The following CLN6 variants were observed in gnomAD, a reference collection of about 807,000 sequenced individuals.
CLN6 encodes the protein CLN6 transmembrane ER protein, also known as ceroid-lipofuscinosis neuronal protein 6.
CLN6 carries 22 observed loss-of-function variants against 33.3 expected under a neutral mutation model. That is an observed-to-expected ratio of 0.66 (90% CI 0.47 to 0.94). The LOEUF (loss-of-function observed/expected upper bound fraction) is 0.94. Ranked by LOEUF, CLN6 falls within the 40% of genes least tolerant of loss-of-function variation. CLN6 has a pLI of 0.00. For missense variants in CLN6, 387 were observed against 417.1 expected, an observed-to-expected ratio of 0.93 and a Z score of 0.63; for synonymous variants, 201 against 174.6, an observed-to-expected ratio of 1.15 and a Z score of -1.19.
At chr15:68,225,914 G>A (rs1031307135) in intron 1 of CLN6, among the ~76,000 whole-genome samples, 5 of 152,170 alleles carry the variant, frequency 3.3e-5, no homozygotes, top group Admixed American at 6.5e-5. Flanking sequence ...AGGTTGCAGT[G>A]AGCCAAGATG....
intron 1 of CLN6, among the ~76,000 whole-genome samples, chr15:68,235,319 G>A (rs1892208687): frequency 6.6e-6 from 1 of 152,118 alleles, no homozygotes; most frequent in African/African-American, 2.4e-5. Context: ...CTGCCTGAAC[G>A]GAGAGGCCAT....
chr15:68,214,621 A>T, intron 2 of CLN6: 1 of 503,262 alleles, frequency 2.0e-6, no homozygotes, highest in South Asian at 2.0e-5. Context: ...CCCCAGACAC[A>T]GAGCAGATGC....
chr15:68,252,074 A>G (rs1194382252), intron 1 of CLN6, among the ~76,000 whole-genome samples: 1 of 150,208 alleles, frequency 6.7e-6, no homozygotes, highest in Non-Finnish European at 1.5e-5. Flanking sequence ...TCCGGGTTCA[A>G]GCGATTCTCC....
In CLN6 at chr15:68,207,552, C is replaced by T. The variant is rs1033505564; in HGVS notation, c.*588G>A. ...GAGCCACTCATCTGTCCCAAAGCTG[C>T]ACCCAAGGGGTGTCAGCAACCCCAA... On this transcript the variant is annotated 3_prime_UTR_variant, in exon 7 of 7. Transcript: ENST00000249806. The T allele has an allele frequency of 3.4e-5, 6 of 176,056 alleles. No homozygotes were observed. Among genetic ancestry groups the T allele is most frequent in the Non-Finnish European group, 4.9e-5 (4 of 81,112 alleles). The allele number at this position is 176,056 out of a possible 1,614,324, so 10.9% of individuals were successfully genotyped here.
At position 68,211,586 on chromosome 15, in the gene CLN6, T is replaced by C. The variant is rs2093205300; in HGVS notation, c.486+89A>G. ...AGAATGCCTTTGGTGAAAGGACAGG[T>C]GCGGCGAGGGGTGGGGGCCATTTCT... On this transcript the variant is annotated intron_variant, in intron 4 of 6. Transcript: ENST00000249806. This position sits in a 1 kb window ranked among gnomAD's most constrained non-coding sequence, Gnocchi z 5.9. 6.2e-7 allele frequency: 1 copy of C among 1,602,532 alleles called. No homozygotes were observed. Among genetic ancestry groups the C allele is most frequent in the Admixed American group, 1.7e-5 (1 of 60,006 alleles).
At chr15:68,232,592 C>G (rs1020991094), upstream of CLN6, among the ~76,000 whole-genome samples, 3 of 152,238 alleles carry the variant, frequency 2.0e-5, no homozygotes, top group African/African-American at 7.2e-5. The surrounding 1 kb of genome is among the most constrained non-coding windows in gnomAD (Gnocchi z 4.7). Context: ...CTCCTCTCCC[C>G]TTGGCCCCAC....
rs368443679 is a variant in CLN6, at chr15:68,208,404, C to T, written c.672G>A (p.Leu224=). ...VAPSGLYYWY[L]VTEGQIFILF... is the part of the protein sequence containing the mutation. ...GGATGAAGATCTGGCCCTCGGTGACCAGGTACCTGGAAAGGCCAGGGGTGA... is the reference window on the plus strand; with the variant it reads ...GGATGAAGATCTGGCCCTCGGTGACTAGGTACCTGGAAAGGCCAGGGGTGA... The change falls in exon 7 of 7, where the codon CTG becomes CTA. Residue 224 remains leucine (L), a synonymous_variant. Coordinates refer to ENST00000249806, the MANE Select transcript of CLN6 (RefSeq NM_017882.3). This position sits in a 1 kb window ranked among gnomAD's most constrained non-coding sequence, Gnocchi z 5.8. The T allele has an allele frequency of 6.2e-7, 1 of 1,612,496 alleles. No individual in the cohort carries two copies. Among genetic ancestry groups the T allele is most frequent in the African/African-American group, 1.3e-5 (1 of 74,882 alleles).
At chr15:68,252,269 C>T (rs1175957672) in intron 1 of CLN6, among the ~76,000 whole-genome samples, 5 of 152,014 alleles carry the variant, frequency 3.3e-5, no homozygotes, top group South Asian at 4.1e-4. Context: ...CCACCACACC[C>T]GGTCTTGTGT....
Position 68,211,364 on chromosome 15 carries a change from G to C in CLN6, c.487-46C>G. ...GCAGAGTCGGGGGATGTCGATGTCA[G>C]TCCAGGGAGGTGCTGGGGCCCCAAG... is the stretch of plus-strand genomic sequence containing the variant. On this transcript the variant is annotated intron_variant, in intron 4 of 6. Coordinates refer to ENST00000249806, the MANE Select transcript of CLN6 (RefSeq NM_017882.3). The surrounding 1 kb of genome is among the most constrained non-coding windows in gnomAD (Gnocchi z 5.9). The C allele has an allele frequency of 6.2e-7, 1 of 1,607,588 alleles. No homozygotes were observed. The highest frequency in any genetic ancestry group is 8.5e-7 in the Non-Finnish European group (1 of 1,174,492).
At chr15:68,215,961 C>T (rs2093219435) in intron 2 of CLN6, among the ~76,000 whole-genome samples, 1 of 152,200 alleles carries the variant, frequency 6.6e-6, no homozygotes, top group Non-Finnish European at 1.5e-5. Flanking sequence ...ACATCTATGA[C>T]ATGTTACTTT....
At chr15:68,229,431 G>A (rs1567101456) in intron 1 of CLN6, 71 bp downstream of exon 1, 2 of 1,234,960 alleles carry the variant, frequency 1.6e-6, no homozygotes, top group East Asian at 3.3e-5. Context: ...CCCTAGGAGC[G>A]TCACGTGGCG....
chr15:68,242,559 A>C lies in CLN6; in HGVS notation c.179+14131T>G, dbSNP rs1892289388. Among the ~76,000 whole-genome samples the C allele has an allele frequency of 6.6e-6, 1 of 152,154 alleles. No individual in the cohort carries two copies. Among genetic ancestry groups the C allele is most frequent in the Non-Finnish European group, 1.5e-5 (1 of 68,012 alleles). On this transcript the variant is annotated intron_variant, in intron 1 of 6. Coordinates refer to the CLN6 transcript ENST00000538696. The surrounding 1 kb of genome is among the most constrained non-coding windows in gnomAD (Gnocchi z 5.0). ...CCATCTCAAAATAAATAAATAAATA[A>C]ATAAGGAAAAGAAAAATAAGTGCTT...
chr15:68,254,720 G>A lies in CLN6; in HGVS notation c.179+1970C>T, dbSNP rs578195191. 642 of 751,880 alleles carry A rather than the reference G, an allele frequency of 8.5e-4. 10 individuals are homozygous for A. The highest frequency in any genetic ancestry group is 8.3e-3 in the South Asian group (616 of 73,780). 46.6% of individuals were successfully genotyped at this position (751,880 alleles called of 1,614,324 possible). A position where few individuals can be genotyped will look rare whatever the true frequency, so the allele number is the denominator to read the frequency against. On this transcript the variant is annotated intron_variant, in intron 1 of 6. Transcript: ENST00000538696. ...ACAGAGAAGATCCACGAGGTTTTCTGCTAAACCTGCTCCTCCAAAGCCAGA... is the reference window on the plus strand; with the variant it reads ...ACAGAGAAGATCCACGAGGTTTTCTACTAAACCTGCTCCTCCAAAGCCAGA...
intron 1 of CLN6, among the ~76,000 whole-genome samples, chr15:68,245,905 C>T (rs1892325580): frequency 6.6e-6 from 1 of 152,132 alleles, no homozygotes; most frequent in Middle Eastern, 3.4e-3. Context: ...CAAAAAAGAA[C>T]AAGATTAGCT....
In CLN6 at chr15:68,247,458, T is replaced by C. The variant is rs528560940; in HGVS notation, c.179+9232A>G. ...CAACAACAACAACAAAACCTAGGAA[T>C]AAATTTAACCGAAGAGGAGAAAGAT... On this transcript the variant is annotated intron_variant, in intron 1 of 6. Coordinates refer to the CLN6 transcript ENST00000538696. This position sits in a 1 kb window ranked among gnomAD's most constrained non-coding sequence, Gnocchi z 4.2. 2.0e-5 allele frequency among the ~76,000 whole-genome samples: 3 copies of C among 152,052 alleles called. No individual in the cohort carries two copies. Among genetic ancestry groups the C allele is most frequent in the Non-Finnish European group, 4.4e-5 (3 of 68,000 alleles).
chr15:68,252,785 T>C (rs758229895), intron 1 of CLN6, among the ~76,000 whole-genome samples: 12 of 152,202 alleles, frequency 7.9e-5, no homozygotes, highest in Non-Finnish European at 1.2e-4. Flanking sequence ...TGTGGAAAAC[T>C]AAATAAAGTC....
At position 68,226,251 on chromosome 15, in the gene CLN6, G is replaced by A. The variant is rs546767946; in HGVS notation, c.83+3251C>T. ...GGAGAATCGCTTGAACCCGGGAGGCGGAGATTGCAGTGAGCTGAGATCATG... is the reference window on the plus strand; with the variant it reads ...GGAGAATCGCTTGAACCCGGGAGGCAGAGATTGCAGTGAGCTGAGATCATG... On this transcript the variant is annotated intron_variant, in intron 1 of 6. Coordinates refer to ENST00000249806, the MANE Select transcript of CLN6 (RefSeq NM_017882.3). Among the ~76,000 whole-genome samples the A allele has an allele frequency of 5.3e-5, 8 of 151,042 alleles. No homozygotes were observed. In the East Asian group the frequency reaches 1.6e-3, roughly 30 times the overall value.
At chr15:68,240,683 T>A (rs910752489) in intron 1 of CLN6, among the ~76,000 whole-genome samples, 6 of 142,690 alleles carry the variant, frequency 4.2e-5, no homozygotes, top group African/African-American at 1.3e-4. Flanking sequence ...AAGATTCCTT[T>A]AAAAAAAAAA....
chr15:68,229,088 G>C (rs2093260165), intron 1 of CLN6, among the ~76,000 whole-genome samples: 1 of 152,178 alleles, frequency 6.6e-6, no homozygotes, highest in African/African-American at 2.4e-5. Flanking sequence ...CCCCGAGAAC[G>C]CGGAGGTGGC....
Sources: gnomAD v4.1 joint callset for allele counts (sites outside exome capture counted in the v4.1 genomes callset) on GRCh38, gnomAD v4.1.1 for gene constraint, Gnocchi (gnomAD v3.1) non-coding constraint, MANE v1.5 for transcripts, NCBI Gene and HGNC (gene_info 2026-07-23, HGNC 2026-07-21) for gene names.